ACTR3C: variants seen among roughly 807,000 people sequenced by gnomAD.
ACTR3C encodes actin related protein 3C, also known as actin-related protein 3C.
In ACTR3C, 18 loss-of-function variants were observed where a neutral mutation model predicts 26.3. The observed-to-expected ratio is 0.68, with a 90% CI of 0.47 to 1.01. ACTR3C has a LOEUF of 1.01. ACTR3C is among the 50% of genes least tolerant of loss of function. ACTR3C has a pLI of 0.00. For synonymous variants in ACTR3C, 55 were observed against 94.5 expected (o/e 0.58, Z 2.42); for missense variants, 184 against 250.7 (o/e 0.73, Z 1.80).
At chr7:150,079,624 C>A in the ACTR3C span, among the ~76,000 whole-genome samples, 1 of 152,160 alleles carries the variant, frequency 6.6e-6, no homozygotes, top group South Asian at 2.1e-4. Flanking sequence ...CTCTGCCTGG[C>A]GTTTCCCACA....
intron 6 of ACTR3C, among the ~76,000 whole-genome samples, chr7:150,257,995 G>A (rs1336766251): frequency 6.6e-6 from 1 of 152,206 alleles, no homozygotes; most frequent in African/African-American, 2.4e-5. Context: ...GATGCCAGGA[G>A]GTTAGAGGTG....
At chr7:150,007,936 C>A in the ACTR3C span, among the ~76,000 whole-genome samples, 2 of 152,204 alleles carry the variant, frequency 1.3e-5, no homozygotes, top group Non-Finnish European at 2.9e-5. Flanking sequence ...TGGGTTAAAT[C>A]TACCTAGTTC....
the ACTR3C span, among the ~76,000 whole-genome samples, chr7:149,985,830 G>T: frequency 6.6e-6 from 1 of 152,174 alleles, no homozygotes; most frequent in African/African-American, 2.4e-5. Flanking sequence ...TCCCCATTCA[G>T]AATGAACAGA....
At chr7:150,039,701 G>C in the ACTR3C span, among the ~76,000 whole-genome samples, 9 of 144,828 alleles carry the variant, frequency 6.2e-5, no homozygotes, top group Admixed American at 4.8e-4. Flanking sequence ...TAAGCCGGGG[G>C]GGAAGAGGGT....
chr7:150,055,121 A>T, the ACTR3C span, among the ~76,000 whole-genome samples: 2 of 152,254 alleles, frequency 1.3e-5, no homozygotes, highest in Non-Finnish European at 2.9e-5. Flanking sequence ...TAATCTACTC[A>T]TACAGTGGCT....
the ACTR3C span, among the ~76,000 whole-genome samples, chr7:149,956,810 C>G: frequency 6.6e-6 from 1 of 152,146 alleles, no homozygotes; most frequent in Non-Finnish European, 1.5e-5. Context: ...CCCAAGATAT[C>G]ACGACCAGTG....
the ACTR3C span, among the ~76,000 whole-genome samples, chr7:149,886,039 T>C: frequency 6.6e-6 from 1 of 152,250 alleles, no homozygotes; most frequent in African/African-American, 2.4e-5. Flanking sequence ...ACCTGCCTCA[T>C]AGAAGTTGTG....
intron 6 of ACTR3C, among the ~76,000 whole-genome samples, chr7:150,277,917 G>GA (rs1487785271): frequency 6.6e-6 from 1 of 152,168 alleles, no homozygotes; most frequent in Non-Finnish European, 1.5e-5. Flanking sequence ...CACTCCTGCA[G>GA]AAAATTGTCA....
the ACTR3C span, among the ~76,000 whole-genome samples, chr7:150,034,292 C>A: frequency 3.5e-4 from 53 of 151,792 alleles, 2 homozygotes; most frequent in Non-Finnish European, 7.2e-4. Flanking sequence ...AGGCTACCGG[C>A]CTCAGCCAGG....
chr7:150,315,267 T>C (rs1210597920), intron 1 of ACTR3C, among the ~76,000 whole-genome samples: 1 of 152,042 alleles, frequency 6.6e-6, no homozygotes, highest in Non-Finnish European at 1.5e-5. Flanking sequence ...TTCATTAAAA[T>C]TGAACGTCAT....
the ACTR3C span, among the ~76,000 whole-genome samples, chr7:149,926,916 A>G: frequency 6.6e-6 from 1 of 152,150 alleles, no homozygotes; most frequent in East Asian, 1.9e-4. Context: ...TTGTTAAAAT[A>G]TGAAGTTCAG....
At chr7:149,930,155 T>C in the ACTR3C span, among the ~76,000 whole-genome samples, 1 of 152,206 alleles carries the variant, frequency 6.6e-6, no homozygotes, top group African/African-American at 2.4e-5. Flanking sequence ...AGATGCAATG[T>C]ATGCCGCTGA....
the ACTR3C span, among the ~76,000 whole-genome samples, chr7:150,154,776 C>T: frequency 4.6e-5 from 7 of 152,092 alleles, no homozygotes; most frequent in African/African-American, 1.4e-4. Context: ...GTAATTTAGC[C>T]ACATGCAGAA....
chr7:150,098,910 G>A, the ACTR3C span, among the ~76,000 whole-genome samples: 3 of 150,926 alleles, frequency 2.0e-5, no homozygotes, highest in East Asian at 3.9e-4. Context: ...CAGGGATTTC[G>A]CCCATTAATG....
the ACTR3C span, among the ~76,000 whole-genome samples, chr7:150,166,528 G>A: frequency 1.3e-5 from 2 of 150,582 alleles, 1 homozygote; most frequent in South Asian, 4.1e-4. Flanking sequence ...GCGAAACCCC[G>A]TCTCTACTAA....
the ACTR3C span, among the ~76,000 whole-genome samples, chr7:150,238,804 A>C: frequency 1.3e-5 from 2 of 149,158 alleles, no homozygotes; most frequent in Non-Finnish European, 2.9e-5. Context: ...GACTAATAAA[A>C]TCACAAATCT....
chr7:150,135,905 C>T, the ACTR3C span, among the ~76,000 whole-genome samples: 1 of 152,070 alleles, frequency 6.6e-6, no homozygotes, highest in Non-Finnish European at 1.5e-5. Context: ...AAGAAAGAAG[C>T]CATGGAGAAG....
At chr7:150,276,000 G>A (rs554094832) in intron 6 of ACTR3C, among the ~76,000 whole-genome samples, 12 of 152,096 alleles carry the variant, frequency 7.9e-5, no homozygotes, top group East Asian at 3.9e-4. Context: ...TTACCTTGCC[G>A]GATAAATGTA....
the ACTR3C span, among the ~76,000 whole-genome samples, chr7:150,180,950 C>T: frequency 1.3e-5 from 2 of 151,472 alleles, no homozygotes; most frequent in Non-Finnish European, 2.9e-5. Context: ...TATGCAATCC[C>T]TCATTTACTT....
Sources: allele counts gnomAD v4.1 joint callset (sites outside exome capture counted in the v4.1 genomes callset), GRCh38; gene constraint gnomAD v4.1.1; transcripts MANE v1.5; gene names NCBI Gene and HGNC (gene_info 2026-07-23, HGNC 2026-07-21).